DAB1: variants seen among roughly 807,000 people sequenced by gnomAD.
DAB1 encodes DAB adaptor protein 1, also known as disabled homolog 1.
In DAB1, 15 loss-of-function variants were observed where a neutral mutation model predicts 64.6. That is an observed-to-expected ratio of 0.23 (90% confidence interval 0.16 to 0.36). The LOEUF is 0.36. Among genes scored for constraint, DAB1 ranks in the 10% least tolerant of loss-of-function variants. The pLI is 1.00. For missense variants in DAB1, 596 were observed against 706.7 expected, an observed-to-expected ratio of 0.84 and a Z score of 1.78; for synonymous variants, 235 against 251.9, an observed-to-expected ratio of 0.93 and a Z score of 0.64.
chr1:57,842,479 C>A (rs1247658892), intron 1 of DAB1, among the ~76,000 whole-genome samples: 1 of 152,062 alleles, frequency 6.6e-6, no homozygotes, highest in Non-Finnish European at 1.5e-5. Context: ...TATACTAGTC[C>A]ATTTTTACAC....
chr1:58,201,415 CT>C (rs1339394776), intron 4 of DAB1, among the ~76,000 whole-genome samples: 1 of 152,198 alleles, frequency 6.6e-6, no homozygotes, highest in Non-Finnish European at 1.5e-5. Context: ...GTTTTTGCCT[CT>C]GCTTTGCTGA....
At chr1:58,191,706 C>G (rs542797523) in intron 4 of DAB1, among the ~76,000 whole-genome samples, 12 of 152,196 alleles carry the variant, frequency 7.9e-5, no homozygotes, top group South Asian at 4.2e-4. Flanking sequence ...ATAACAACTA[C>G]GACACCCACC....
At chr1:57,124,947 C>T (rs78893866) in intron 4 of DAB1, among the ~76,000 whole-genome samples, 1,977 of 151,890 alleles carry the variant, frequency 0.013, 43 homozygotes, top group African/African-American at 0.045. Context: ...CCCCCAACCC[C>T]GGCCTCATGC....
intron 2 of DAB1, among the ~76,000 whole-genome samples, chr1:57,267,700 T>A (rs150209612): frequency 1.7e-4 from 26 of 152,176 alleles, no homozygotes; most frequent in Non-Finnish European, 3.4e-4. Flanking sequence ...GTCATTGCAC[T>A]ACACGGTAGG....
At chr1:58,409,165 A>T (rs1644644124) in intron 3 of DAB1, among the ~76,000 whole-genome samples, 1 of 146,482 alleles carries the variant, frequency 6.8e-6, no homozygotes, top group Admixed American at 6.8e-5. Context: ...CCCATTTTTC[A>T]GGTGATAAGT....
chr1:58,086,198 C>T (rs1164563496), intron 5 of DAB1, among the ~76,000 whole-genome samples: 1 of 151,622 alleles, frequency 6.6e-6, no homozygotes, highest in African/African-American at 2.4e-5. Context: ...CTCCTGACCT[C>T]GTGATCCGCC....
intron 9 of DAB1, among the ~76,000 whole-genome samples, chr1:57,040,359 G>A (rs1241211619): frequency 2.0e-5 from 3 of 152,062 alleles, no homozygotes; most frequent in Non-Finnish European, 4.4e-5. Flanking sequence ...AGCCAAGATG[G>A]GGCCAGGGAT....
intron 9 of DAB1, among the ~76,000 whole-genome samples, chr1:57,035,118 G>A (rs987425156): frequency 3.3e-5 from 5 of 152,144 alleles, no homozygotes; most frequent in Non-Finnish European, 7.4e-5. Flanking sequence ...GAGAGGTGGT[G>A]AGACAATATT....
At chr1:57,691,666 TC>T (rs1402315450) in intron 6 of DAB1, among the ~76,000 whole-genome samples, 1 of 152,042 alleles carries the variant, frequency 6.6e-6, no homozygotes, top group Non-Finnish European at 1.5e-5. Flanking sequence ...AGGAACAAAC[TC>T]TGGACACACC....
In DAB1 at chr1:57,253,158, T is replaced by G. The variant is rs61765655; in HGVS notation, c.67+37806A>C. ...GATCTGCATAAGGGCAGGGGGCACA[T>G]TCGGGTCAGGCCAACCAGGGCAAGC... is the stretch of plus-strand genomic sequence containing the variant. On this transcript the variant is annotated intron_variant, in intron 2 of 14. Coordinates refer to ENST00000371236, the MANE Select transcript of DAB1 (RefSeq NM_001365792.1). Among the ~76,000 whole-genome samples the G allele has an allele frequency of 7.7e-3, 1,166 of 152,198 alleles. 31 individuals are homozygous for G. The East Asian group carries it at 0.08, about 11-fold the overall frequency.
At chr1:57,351,708 C>A (rs940801072) in intron 1 of DAB1, among the ~76,000 whole-genome samples, 4 of 151,912 alleles carry the variant, frequency 2.6e-5, no homozygotes, top group Admixed American at 6.6e-5. Context: ...TGTGATTTTT[C>A]CAGAGCAGGG....
At chr1:57,213,658 C>T (rs891756763) in intron 2 of DAB1, among the ~76,000 whole-genome samples, 4 of 152,162 alleles carry the variant, frequency 2.6e-5, no homozygotes, top group African/African-American at 9.7e-5. Context: ...AAGAAGAAAA[C>T]ATCAGAACTG....
intron 3 of DAB1, among the ~76,000 whole-genome samples, chr1:58,383,123 G>GTGTTTTCACTATACACA (rs1644404334): frequency 6.6e-6 from 1 of 152,190 alleles, no homozygotes; most frequent in Non-Finnish European, 1.5e-5. Flanking sequence ...TATACACAAA[G>GTGTTTTCACTATACACA]AAGTATTCAT....
intron 7 of DAB1, among the ~76,000 whole-genome samples, chr1:57,455,976 A>G (rs962414882): frequency 3.9e-5 from 6 of 152,308 alleles, no homozygotes; most frequent in South Asian, 4.1e-4. Context: ...CATTTACTCA[A>G]TAAACATTTA....
chr1:57,322,907 C>A (rs1441936533), intron 1 of DAB1, among the ~76,000 whole-genome samples: 4 of 152,158 alleles, frequency 2.6e-5, no homozygotes, highest in Admixed American at 2.0e-4. Flanking sequence ...GGGGCCCAAG[C>A]AGCAGTCCTT....
At chr1:57,984,259 A>G (rs781564343) in intron 5 of DAB1, among the ~76,000 whole-genome samples, 1 of 143,080 alleles carries the variant, frequency 7.0e-6, no homozygotes, top group Non-Finnish European at 1.5e-5. Flanking sequence ...AAAGAAAGAA[A>G]GAAAAAAAAT....
intron 7 of DAB1, among the ~76,000 whole-genome samples, chr1:57,475,870 A>G (rs998427213): frequency 4.6e-5 from 7 of 152,236 alleles, no homozygotes; most frequent in Admixed American, 4.6e-4. Flanking sequence ...AAAAATATTC[A>G]TTGAATGAAT....
intron 1 of DAB1, among the ~76,000 whole-genome samples, chr1:57,349,596 A>C (rs1436332057): frequency 6.6e-6 from 1 of 152,190 alleles, no homozygotes; most frequent in Admixed American, 6.5e-5. Context: ...ACAAACTATC[A>C]TATTTCCCCT....
At chr1:57,148,759 G>T (rs528678858) in intron 2 of DAB1, among the ~76,000 whole-genome samples, 2 of 152,318 alleles carry the variant, frequency 1.3e-5, no homozygotes, top group Admixed American at 1.3e-4. Context: ...TCTTGAGTTA[G>T]GCTCCATAAT....
Sources: gnomAD v4.1 joint callset for allele counts (sites outside exome capture counted in the v4.1 genomes callset) on GRCh38, gnomAD v4.1.1 for gene constraint, MANE v1.5 for transcripts, NCBI Gene and HGNC (gene_info 2026-07-23, HGNC 2026-07-21) for gene names.